The following TM9SF2 variants were observed in gnomAD, a reference collection of about 807,000 sequenced individuals.
TM9SF2 encodes the protein transmembrane 9 superfamily member 2, also known as 76 kDa membrane protein.
Under a neutral mutation model 84.9 loss-of-function variants are expected in TM9SF2, and 13 were observed. The ratio of observed to expected loss-of-function variants is 0.15; its 90% CI spans 0.10 to 0.24. The LOEUF (loss-of-function observed/expected upper bound fraction) is 0.24, where lower values mean the gene tolerates loss of function less well. Among genes scored for constraint, TM9SF2 ranks in the 10% least tolerant of loss-of-function variants. The pLI is 1.00. For synonymous variants in TM9SF2, 273 were observed against 285.8 expected (o/e 0.96, Z 0.45); for missense variants, 562 against 818.5 (o/e 0.69, Z 3.82).
intron 10 of TM9SF2, among the ~76,000 whole-genome samples, chr13:99,545,697 G>A (rs754794478): frequency 6.6e-6 from 1 of 152,098 alleles, no homozygotes; most frequent in Non-Finnish European, 1.5e-5. Context: ...CTCCTGAGTA[G>A]CTGGGATTAC....
In TM9SF2 at chr13:99,562,133, GCT is replaced by G. The variant is rs367609545; in HGVS notation, c.1925-555_1925-554del. Among the ~76,000 whole-genome samples, 779 of 152,278 alleles carry G rather than the reference GCT, an allele frequency of 5.1e-3. 12 individuals carry two copies. Among genetic ancestry groups the G allele is most frequent in the African/African-American group, 0.018 (737 of 41,562 alleles). On this transcript the variant is annotated intron_variant, in intron 16 of 16. Transcript: ENST00000376387. ...GACACACACAGTTTGTGACAGAGCT[GCT>G]CTGTTCTCTGCTACCATGCTGTCCC...
intron 1 of TM9SF2, among the ~76,000 whole-genome samples, chr13:99,510,328 T>C (rs1455565057): frequency 6.6e-6 from 1 of 152,226 alleles, no homozygotes; most frequent in Non-Finnish European, 1.5e-5. Flanking sequence ...CAAAACCAGT[T>C]CCACATTTTC....
In TM9SF2 at chr13:99,517,693, A is replaced by T. The variant is rs777086207; in HGVS notation, c.239+12A>T. Reference sequence around the variant, plus strand: ...TATGAATACACAGCGTAAGTTTTTCAGCTTGGCTTTTATATAAAATTTTAT... The same window carrying T: ...TATGAATACACAGCGTAAGTTTTTCTGCTTGGCTTTTATATAAAATTTTAT... On this transcript the variant is annotated intron_variant, in intron 2 of 16. Coordinates refer to ENST00000376387, the MANE Select transcript of TM9SF2 (RefSeq NM_004800.3). The T allele has an allele frequency of 6.4e-7, 1 of 1,560,068 alleles. No homozygotes were observed. Among genetic ancestry groups the T allele is most frequent in the East Asian group, 2.3e-5 (1 of 42,916 alleles).
At chr13:99,515,347 G>A (rs920211540) in intron 1 of TM9SF2, among the ~76,000 whole-genome samples, 3 of 152,214 alleles carry the variant, frequency 2.0e-5, no homozygotes, top group African/African-American at 7.2e-5. Context: ...GGCAAAGGAA[G>A]CCATTAAATG....
chr13:99,555,148 C>A (rs148006275), intron 14 of TM9SF2, among the ~76,000 whole-genome samples: 1 of 152,300 alleles, frequency 6.6e-6, no homozygotes, highest in Non-Finnish European at 1.5e-5. Context: ...ATCTTTGCTT[C>A]TTAATCGTTA....
chr13:99,534,189 TTAAC>T (rs2046223714), intron 4 of TM9SF2, among the ~76,000 whole-genome samples: 1 of 152,204 alleles, frequency 6.6e-6, no homozygotes, highest in African/African-American at 2.4e-5. Flanking sequence ...AAAAATATAA[TTAAC>T]TAGTTATCAG....
At chr13:99,533,750 C>T (rs571154643) in intron 4 of TM9SF2, among the ~76,000 whole-genome samples, 2 of 152,282 alleles carry the variant, frequency 1.3e-5, no homozygotes, top group Admixed American at 6.5e-5. Flanking sequence ...CCTCAGCCTC[C>T]TGGGTTCAAG....
chr13:99,528,717 C>T (rs1594051809), intron 3 of TM9SF2, among the ~76,000 whole-genome samples: 1 of 152,200 alleles, frequency 6.6e-6, no homozygotes, highest in Non-Finnish European at 1.5e-5. Flanking sequence ...TTGGAAATAG[C>T]AATGCAGACA....
intron 1 of TM9SF2, among the ~76,000 whole-genome samples, chr13:99,507,084 A>G (rs2046091850): frequency 6.6e-6 from 1 of 152,226 alleles, no homozygotes; most frequent in Non-Finnish European, 1.5e-5. Flanking sequence ...TGTGTTGTAT[A>G]TGCCTTAGCT....
intron 9 of TM9SF2, among the ~76,000 whole-genome samples, chr13:99,543,051 C>T (rs1375105847): frequency 6.6e-6 from 1 of 152,220 alleles, no homozygotes; most frequent in African/African-American, 2.4e-5. Flanking sequence ...CTTGCTGTTC[C>T]TCAGACCAGG....
intron 12 of TM9SF2, among the ~76,000 whole-genome samples, chr13:99,551,826 A>G (rs2046306548): frequency 6.6e-6 from 1 of 152,258 alleles, no homozygotes; most frequent in Admixed American, 6.5e-5. Flanking sequence ...AGCCCGTCAC[A>G]GAAGGTAAAA....
chr13:99,531,705 G>C (rs1284459479), intron 4 of TM9SF2, among the ~76,000 whole-genome samples: 1 of 152,134 alleles, frequency 6.6e-6, no homozygotes, highest in Non-Finnish European at 1.5e-5. Context: ...GCTTGTGTCA[G>C]CTTCTTTGTC....
chr13:99,521,653 C>G (rs1566565306), intron 3 of TM9SF2, among the ~76,000 whole-genome samples: 1 of 152,224 alleles, frequency 6.6e-6, no homozygotes, highest in Non-Finnish European at 1.5e-5. Flanking sequence ...ATTTAATCCA[C>G]TACAAGTTGA....
chr13:99,543,671 T>A (rs1377075396), intron 9 of TM9SF2, among the ~76,000 whole-genome samples, 192 bp from the exon 10 acceptor site: 1 of 152,206 alleles, frequency 6.6e-6, no homozygotes, highest in African/African-American at 2.4e-5. Context: ...AACTGACATA[T>A]AAGACAGTTC....
chr13:99,547,295 A>G (rs1566571963), intron 11 of TM9SF2, among the ~76,000 whole-genome samples, 191 bp downstream of exon 11: 1 of 152,208 alleles, frequency 6.6e-6, no homozygotes, highest in Non-Finnish European at 1.5e-5. Context: ...TATTTGTTCG[A>G]AAATGTTTAG....
chr13:99,543,579 G>A (rs2046269953), intron 9 of TM9SF2, among the ~76,000 whole-genome samples: 1 of 152,162 alleles, frequency 6.6e-6, no homozygotes, highest in Non-Finnish European at 1.5e-5. Flanking sequence ...TTGACTTAGA[G>A]TAGAATTAGG....
chr13:99,562,606 G>A (rs1409572875), intron 16 of TM9SF2, 85 bp from the exon 17 acceptor site: 2 of 1,349,208 alleles, frequency 1.5e-6, no homozygotes, highest in African/African-American at 1.4e-5. Flanking sequence ...CTTTTTTAAG[G>A]AACCAGTCAT....
chr13:99,560,180 G>A (rs112751484), intron 16 of TM9SF2, among the ~76,000 whole-genome samples: 2,227 of 152,298 alleles, frequency 0.015, 52 homozygotes, highest in African/African-American at 0.051. Context: ...TTTGTCACAA[G>A]TAACGCTGCC....
At chr13:99,510,734 C>G (rs1266054388) in intron 1 of TM9SF2, among the ~76,000 whole-genome samples, 2 of 152,210 alleles carry the variant, frequency 1.3e-5, no homozygotes, top group African/African-American at 4.8e-5. Context: ...AGCTCCACCT[C>G]CAACACTGGA....
Sources: gnomAD v4.1 joint callset for allele counts (sites outside exome capture counted in the v4.1 genomes callset) on GRCh38, gnomAD v4.1.1 for gene constraint, MANE v1.5 for transcripts, NCBI Gene and HGNC (gene_info 2026-07-23, HGNC 2026-07-21) for gene names.